The following TERF2 variants were observed in gnomAD, a reference collection of about 807,000 sequenced individuals.
The protein encoded by TERF2 is telomeric repeat-binding factor 2.
In TERF2, 16 loss-of-function variants were observed where a neutral mutation model predicts 56.1. The ratio of observed to expected loss-of-function variants is 0.29; its 90% CI spans 0.19 to 0.43. The LOEUF is 0.43. Among genes scored for constraint, TERF2 ranks in the 20% least tolerant of loss-of-function variants. TERF2 has a pLI of 1.00. For synonymous variants in TERF2, 296 were observed against 282.1 expected (o/e 1.05, Z -0.50); for missense variants, 547 against 712.9 (o/e 0.77, Z 2.65).
chr16:69,369,295 G>C (rs893734514), intron 5 of TERF2, among the ~76,000 whole-genome samples: 4 of 152,104 alleles, frequency 2.6e-5, no homozygotes, highest in South Asian at 2.1e-4. Flanking sequence ...TATGGGCCTG[G>C]CAGATCTGTT....
chr16:69,368,837 C>T (rs1302390469), intron 5 of TERF2, among the ~76,000 whole-genome samples: 1 of 151,908 alleles, frequency 6.6e-6, no homozygotes, highest in Non-Finnish European at 1.5e-5. Context: ...CCACCATGTC[C>T]AGTTAATTTT....
At position 69,368,009 on chromosome 16, in the gene TERF2, CT is replaced by C. The variant is rs146534167; in HGVS notation, c.947+366del. On this transcript the variant is annotated intron_variant, in intron 6 of 9. Transcript: ENST00000254942. ...AACCGGCCCTCAAAGGGCATCTAAG[CT>C]TGTGACCCCTGCTTTAGGAACTGGT... 3.2e-3 allele frequency among the ~76,000 whole-genome samples: 484 copies of C among 152,330 alleles called. 4 individuals carry two copies. The highest frequency in any genetic ancestry group is 0.011 in the African/African-American group (462 of 41,572).
chr16:69,357,662 A>G (rs2012955613), intron 8 of TERF2, 101 bp from the exon 9 acceptor site: 1 of 1,391,986 alleles, frequency 7.2e-7, no homozygotes, highest in African/African-American at 1.5e-5. Context: ...ACTTCTTCAA[A>G]TTTCACAAGC....
At position 69,385,960 on chromosome 16, in the gene TERF2, T is replaced by C. The variant is rs2014193811; in HGVS notation, c.12A>G (p.Gly4=). 5.2e-6 allele frequency: 7 copies of C among 1,355,002 alleles called. No homozygotes were observed. Among genetic ancestry groups the C allele is most frequent in the Middle Eastern group, 2.7e-4 (1 of 3,656 alleles). 83.9% of individuals were successfully genotyped at this position (1,355,002 alleles called of 1,614,324 possible). A position where few individuals can be genotyped will look rare whatever the true frequency, so the allele number is the denominator to read the frequency against. Residue 4 remains glycine (G), a synonymous_variant, in exon 1 of 10, where the codon GGA becomes GGG. Transcript: ENST00000254942. ...CGGAAGCGGGGCCCGCCGTCCCGGC[T>C]CCCGCGGCCATGATAGAAACAGCGT... MAA[G]AGTAGPASGP...
chr16:69,368,514 A>G (rs771065983), intron 5 of TERF2, 32 bp from the exon 6 acceptor site: 39 of 1,612,592 alleles, frequency 2.4e-5, no homozygotes, highest in Non-Finnish European at 3.3e-5. Context: ...CAGGAAGAAG[A>G]GGCCACAGAA....
Position 69,361,413 on chromosome 16 carries a change from G to C in TERF2, c.1417C>G (p.Gln473Glu), listed in dbSNP as rs1183404695. 1 of 1,612,560 alleles carries C rather than the reference G, an allele frequency of 6.2e-7. No homozygotes were observed. The highest frequency in any genetic ancestry group is 1.7e-5 in the Admixed American group (1 of 60,002). The change falls in exon 8 of 10, where the codon CAA (glutamine) becomes GAA (glutamate). Residue 473 changes from glutamine to glutamate, a missense_variant. By Grantham distance (29) the Gln-to-Glu change is conservative. Transcript: ENST00000254942. ...AGAATCTTCTGCTTACCCTGAACTT[G>C]AAACAGTTCATCCTCTTCCACCCAA... ...ETWVEEDELF[Q>E]VQAAPDEDST...
chr16:69,366,123 G>A (rs890111210), intron 7 of TERF2: 4 of 152,232 alleles, frequency 2.6e-5, no homozygotes, highest in Admixed American at 1.3e-4. Flanking sequence ...AGGACAAATG[G>A]GATTTGGACA....
intron 9 of TERF2, 87 bp from the exon 10 acceptor site, chr16:69,357,143 G>T: frequency 7.1e-7 from 1 of 1,418,362 alleles, no homozygotes. Flanking sequence ...GTAAACTCAA[G>T]AATCCCAGGA....
At chr16:69,377,901 G>GT (rs562840733) in intron 3 of TERF2, among the ~76,000 whole-genome samples, 136 of 152,024 alleles carry the variant, frequency 8.9e-4, no homozygotes, top group African/African-American at 3.2e-3. Flanking sequence ...GCAAAAAGAA[G>GT]TAATTTTATT....
rs1349327814 is a variant in TERF2 at position 69,358,225 on chromosome 16, G to A, written c.1427-664C>T. Among the ~76,000 whole-genome samples, 12 of 152,312 alleles carry A rather than the reference G, an allele frequency of 7.9e-5. No homozygotes were observed. The East Asian group carries it at 2.3e-3, about 29-fold the overall frequency. On this transcript the variant is annotated intron_variant, in intron 8 of 9. Coordinates refer to ENST00000254942, the MANE Select transcript of TERF2 (RefSeq NM_005652.5). ...AGACCGGGTTTCACTGTGTTAACCA[G>A]GATGGTCTCCATCTCCCGACCTCAT... is the stretch of plus-strand genomic sequence containing the variant.
chr16:69,363,766 G>A (rs2013234937), intron 7 of TERF2, among the ~76,000 whole-genome samples: 1 of 152,194 alleles, frequency 6.6e-6, no homozygotes, highest in Non-Finnish European at 1.5e-5. Flanking sequence ...AAGTCCAGGA[G>A]TTCGAGACCA....
At chr16:69,369,421 C>T (rs1248240403) in intron 5 of TERF2, among the ~76,000 whole-genome samples, 2 of 152,094 alleles carry the variant, frequency 1.3e-5, no homozygotes, top group African/African-American at 4.8e-5. Flanking sequence ...ACTTCAGCCT[C>T]CCAAGTAGCT....
intron 3 of TERF2, among the ~76,000 whole-genome samples, chr16:69,374,414 G>C (rs1001893299): frequency 1.3e-5 from 2 of 151,802 alleles, no homozygotes. Flanking sequence ...AGGATCACTT[G>C]AGGCCAGGAA....
intron 7 of TERF2, 80 bp downstream of exon 7, chr16:69,366,727 A>C: frequency 6.7e-7 from 1 of 1,496,548 alleles, no homozygotes; most frequent in Non-Finnish European, 8.9e-7. Flanking sequence ...GCTGAAAGTT[A>C]CTTCATTCAC....
chr16:69,357,351 T>G lies in TERF2; in HGVS notation c.1470+167A>C, dbSNP rs796649401. Among the ~76,000 whole-genome samples, 8 of 152,362 alleles carry G rather than the reference T, an allele frequency of 5.3e-5. 1 individual carries two copies. Among genetic ancestry groups the G allele is most frequent in the African/African-American group, 1.9e-4 (8 of 41,584 alleles). On this transcript the variant is annotated intron_variant, in intron 9 of 9. Coordinates refer to ENST00000254942, the MANE Select transcript of TERF2 (RefSeq NM_005652.5). Reference sequence around the variant, plus strand: ...AATGTGTCATCTGTTTTCCTAGTCTTTTCTTCCAGAAGATAATTATTACTT... The same window carrying G: ...AATGTGTCATCTGTTTTCCTAGTCTGTTCTTCCAGAAGATAATTATTACTT...
intron 3 of TERF2, among the ~76,000 whole-genome samples, chr16:69,375,600 CTT>C (rs1263467541): frequency 6.6e-6 from 1 of 152,052 alleles, no homozygotes; most frequent in Non-Finnish European, 1.5e-5. Flanking sequence ...GTAACTAACA[CTT>C]TTTATAGTTA....
intron 4 of TERF2, among the ~76,000 whole-genome samples, chr16:69,371,461 A>G (rs979658626): frequency 1.3e-5 from 2 of 149,172 alleles, no homozygotes; most frequent in Non-Finnish European, 3.0e-5. Flanking sequence ...AGATTGGGCC[A>G]CTATACTCCA....
At position 69,356,739 on chromosome 16, in the gene TERF2, G is replaced by A. The variant is rs12708898; in HGVS notation, c.*159C>T. 113,842 of 734,132 alleles carry A rather than the reference G, an allele frequency of 0.16. 10,007 individuals are homozygous for A. The highest frequency in any genetic ancestry group is 0.24 in the Middle Eastern group (566 of 2,324). The allele number at this position is 734,132 out of a possible 1,614,324, so 45.5% of individuals were successfully genotyped here. A position where few individuals can be genotyped will look rare whatever the true frequency, so the allele number is the denominator to read the frequency against. ...GGCGTGAGCCCGGGAGACGGAGGTC[G>A]CAGTGAGCCGAGATCACGCCACTGC... is the stretch of plus-strand genomic sequence containing the variant. On this transcript the variant is annotated 3_prime_UTR_variant, in exon 10 of 10. Coordinates refer to ENST00000254942, the MANE Select transcript of TERF2 (RefSeq NM_005652.5).
intron 3 of TERF2, among the ~76,000 whole-genome samples, chr16:69,378,782 G>A (rs1476768721): frequency 6.6e-6 from 1 of 152,186 alleles, no homozygotes; most frequent in African/African-American, 2.4e-5. Context: ...GGGAGAGACA[G>A]AAGAGAGTAT....
Sources: gnomAD v4.1 joint callset for allele counts (sites outside exome capture counted in the v4.1 genomes callset) on GRCh38, gnomAD v4.1.1 for gene constraint, MANE v1.5 for transcripts, NCBI Gene and HGNC (gene_info 2026-07-23, HGNC 2026-07-21) for gene names.